JPH1: variants seen among roughly 807,000 people sequenced by gnomAD.
The protein encoded by JPH1 is junctophilin 1.
In JPH1, 12 loss-of-function variants were observed where a neutral mutation model predicts 53.6. The ratio of observed to expected loss-of-function variants is 0.22; its 90% CI spans 0.14 to 0.36. The LOEUF is 0.36. Among genes scored for constraint, JPH1 ranks in the 10% least tolerant of loss-of-function variants. The pLI, the probability that JPH1 is intolerant of heterozygous loss-of-function variation, is 1.00. For synonymous variants in JPH1, 375 were observed against 363.8 expected, an observed-to-expected ratio of 1.03 and a Z score of -0.35; for missense variants, 808 against 905.5, an observed-to-expected ratio of 0.89 and a Z score of 1.38.
chr8:74,315,457 G>GGCT lies in JPH1; in HGVS notation c.540_542dup (p.Ala183dup), dbSNP rs769747185. The stretch of plus-strand genomic sequence containing the variant: ...GGGTGCCGGCCGGGCTGTCGGCGGC[G>GGCT]GCTGCGGCGTCGTGGAGCACGCTGC... On this transcript the variant is annotated inframe_insertion, in exon 2 of 6. Coordinates refer to ENST00000342232, the MANE Select transcript of JPH1 (RefSeq NM_020647.4). The surrounding 1 kb of genome is among the most constrained non-coding windows in gnomAD (Gnocchi z 6.3). The GGCT allele has an allele frequency of 9.3e-6, 15 of 1,608,616 alleles. No individual in the cohort carries two copies. Among genetic ancestry groups the GGCT allele is most frequent in the Non-Finnish European group, 1.2e-5 (14 of 1,178,114 alleles).
chr8:74,284,837 T>G (rs1057418517), intron 2 of JPH1, among the ~76,000 whole-genome samples: 2 of 151,712 alleles, frequency 1.3e-5, no homozygotes, highest in Non-Finnish European at 2.9e-5. Flanking sequence ...TTCTTTTTTT[T>G]TTTTTCAGAC....
intron 2 of JPH1, among the ~76,000 whole-genome samples, chr8:74,310,955 G>C (rs1235540638): frequency 2.6e-5 from 4 of 152,192 alleles, no homozygotes. Context: ...CTGAATGTGA[G>C]GGGCTTGGAC....
intron 2 of JPH1, among the ~76,000 whole-genome samples, chr8:74,307,657 C>T (rs944107883): frequency 1.2e-4 from 19 of 152,098 alleles, no homozygotes; most frequent in Admixed American, 1.1e-3. Context: ...TTCCCCTTCC[C>T]GTTAAAATCA....
intron 2 of JPH1, among the ~76,000 whole-genome samples, chr8:74,310,823 G>A (rs886651279): frequency 1.3e-5 from 2 of 152,198 alleles, no homozygotes; most frequent in East Asian, 1.9e-4. Flanking sequence ...ACAAGGGTGC[G>A]TCCATTTCCC....
chr8:74,259,303 T>C (rs1806323112), intron 3 of JPH1, 82 bp downstream of exon 3: 1 of 1,082,652 alleles, frequency 9.2e-7, no homozygotes, highest in Non-Finnish European at 1.4e-6. Context: ...GAAGCACACA[T>C]CTTTATGTTG....
rs570732181 is a variant in JPH1 at position 74,317,670 on chromosome 8, C to T, written c.380-2050G>A. On this transcript the variant is annotated intron_variant, in intron 1 of 5. Transcript: ENST00000342232. ...GAATGCTATAATCACATCCTCCTAA[C>T]TTTTGTCTATAGTGACAAGTTAATT... Among the ~76,000 whole-genome samples, 33 of 152,298 alleles carry T rather than the reference C, an allele frequency of 2.2e-4. No individual in the cohort carries two copies. The South Asian group carries it at 5.4e-3, about 25-fold the overall frequency.
chr8:74,282,084 C>T (rs766863305), intron 2 of JPH1, among the ~76,000 whole-genome samples: 2 of 152,180 alleles, frequency 1.3e-5, no homozygotes, highest in Non-Finnish European at 2.9e-5. Flanking sequence ...CTACCTAATC[C>T]TTTTGATTTC....
intron 2 of JPH1, among the ~76,000 whole-genome samples, chr8:74,300,784 A>G (rs1215824302): frequency 6.6e-6 from 1 of 152,180 alleles, no homozygotes; most frequent in South Asian, 2.1e-4. Flanking sequence ...GGAATTCACA[A>G]AAGAGTAGAG....
chr8:74,251,793 A>C (rs1276621439), intron 3 of JPH1, among the ~76,000 whole-genome samples: 3 of 152,170 alleles, frequency 2.0e-5, no homozygotes, highest in Non-Finnish European at 4.4e-5. Context: ...GCTACCAATG[A>C]CTTTCTTCAC....
intron 2 of JPH1, among the ~76,000 whole-genome samples, chr8:74,307,093 A>G (rs993219464): frequency 3.3e-5 from 5 of 152,126 alleles, no homozygotes; most frequent in African/African-American, 1.2e-4. Flanking sequence ...ACAGGTGGTA[A>G]AGCTCTGTAG....
At chr8:74,317,516 A>G (rs940872174) in intron 1 of JPH1, among the ~76,000 whole-genome samples, 7 of 152,220 alleles carry the variant, frequency 4.6e-5, no homozygotes, top group Non-Finnish European at 1.0e-4. Context: ...TGGAATTATT[A>G]GGAAATTTTG....
chr8:74,250,279 T>C (rs1438528488), intron 3 of JPH1, among the ~76,000 whole-genome samples: 1 of 152,074 alleles, frequency 6.6e-6, no homozygotes, highest in East Asian at 1.9e-4. Flanking sequence ...ATTACAGGCA[T>C]GTACTACCAG....
intron 2 of JPH1, among the ~76,000 whole-genome samples, chr8:74,269,771 T>A (rs1806645095): frequency 1.3e-5 from 2 of 152,238 alleles, no homozygotes; most frequent in African/African-American, 4.8e-5. Context: ...CACAGCAAAG[T>A]CATATGGCTA....
At chr8:74,243,452 T>C (rs1805758233) in intron 4 of JPH1, among the ~76,000 whole-genome samples, 1 of 152,216 alleles carries the variant, frequency 6.6e-6, no homozygotes, top group Non-Finnish European at 1.5e-5. Context: ...TTTATAGATA[T>C]TAGCAAAATA....
At chr8:74,263,140 C>A (rs996933857) in intron 2 of JPH1, among the ~76,000 whole-genome samples, 1 of 152,216 alleles carries the variant, frequency 6.6e-6, no homozygotes, top group Admixed American at 6.5e-5. Context: ...GTCCCTGAGA[C>A]ATCTCCAAGC....
intron 4 of JPH1, among the ~76,000 whole-genome samples, chr8:74,240,493 T>C (rs1435578979): frequency 3.3e-5 from 5 of 152,128 alleles, no homozygotes; most frequent in Non-Finnish European, 7.4e-5. Context: ...CTCCCACAAA[T>C]AAATGAGAAC....
intron 3 of JPH1, among the ~76,000 whole-genome samples, chr8:74,245,890 T>C (rs1212671633): frequency 2.0e-5 from 3 of 150,310 alleles, no homozygotes; most frequent in Non-Finnish European, 2.9e-5. Flanking sequence ...AAAGAGGCTA[T>C]TCTTCTGACA....
At chr8:74,289,934 T>C (rs112307442) in intron 2 of JPH1, among the ~76,000 whole-genome samples, 39,950 of 152,058 alleles carry the variant, frequency 0.26, 5,361 homozygotes, top group Middle Eastern at 0.31. Flanking sequence ...TTGATCGTGG[T>C]GGATAAGCTT....
chr8:74,276,400 C>T (rs935857760), intron 2 of JPH1, among the ~76,000 whole-genome samples: 6 of 152,192 alleles, frequency 3.9e-5, no homozygotes, highest in Non-Finnish European at 5.9e-5. Flanking sequence ...AGGTTCTCGC[C>T]TCTATGTGGC....
Sources: allele counts gnomAD v4.1 joint callset (sites outside exome capture counted in the v4.1 genomes callset), GRCh38; gene constraint gnomAD v4.1.1; non-coding constraint Gnocchi (gnomAD v3.1); transcripts MANE v1.5; gene names NCBI Gene and HGNC (gene_info 2026-07-23, HGNC 2026-07-21).